Variants in TNS3 observed in about 807,000 individuals in gnomAD.
TNS3 encodes the protein tensin-3.
TNS3 carries 45 observed loss-of-function variants against 140.9 expected under a neutral mutation model. The ratio of observed to expected loss-of-function variants is 0.32; its 90% CI spans 0.25 to 0.41. TNS3 has a LOEUF of 0.41. TNS3 is among the 10% of genes least tolerant of loss of function. TNS3 has a pLI of 1.00. For missense variants in TNS3, 1,716 were observed against 1,906.7 expected (o/e 0.90, Z 1.86); for synonymous variants, 815 against 788.4 (o/e 1.03, Z -0.56).
chr7:47,408,148 G>C (rs1009336340), intron 13 of TNS3, among the ~76,000 whole-genome samples: 4 of 152,108 alleles, frequency 2.6e-5, no homozygotes, highest in African/African-American at 7.2e-5. Context: ...GGGTGGCCTG[G>C]AGGCCATTGG....
chr7:47,579,730 T>C (rs992026459), intron 1 of TNS3: 2 of 495,556 alleles, frequency 4.0e-6, no homozygotes, highest in Admixed American at 1.3e-4. Context: ...GTTCCCAGAC[T>C]TTAAGAATTT....
chr7:47,543,196 G>A (rs1799835960), intron 1 of TNS3, among the ~76,000 whole-genome samples: 1 of 152,206 alleles, frequency 6.6e-6, no homozygotes, highest in Admixed American at 6.5e-5. Context: ...CAGCCAGCTT[G>A]TGCTCCATCC....
chr7:47,578,535 C>T (rs901620629), intron 1 of TNS3, among the ~76,000 whole-genome samples: 43 of 149,090 alleles, frequency 2.9e-4, no homozygotes, highest in South Asian at 4.3e-4. Context: ...GGTAGAGCTG[C>T]GCCAGGTGCA....
intron 17 of TNS3, 23 bp downstream of exon 17, chr7:47,368,342 C>A: frequency 6.8e-7 from 1 of 1,462,796 alleles, no homozygotes; most frequent in Non-Finnish European, 9.0e-7. Context: ...CCGTGGAGCA[C>A]CTCCCATGGA....
At chr7:47,337,641 G>A (rs553991110) in intron 20 of TNS3, among the ~76,000 whole-genome samples, 2 of 152,130 alleles carry the variant, frequency 1.3e-5, no homozygotes, top group African/African-American at 4.8e-5. Context: ...CCATCCCACC[G>A]TGTTCTTCAT....
intron 15 of TNS3, among the ~76,000 whole-genome samples, chr7:47,399,375 T>C (rs1256156324): frequency 6.6e-6 from 1 of 151,524 alleles, no homozygotes; most frequent in African/African-American, 2.4e-5. Flanking sequence ...GCCAAAGCAA[T>C]CCTAAAAACA....
chr7:47,513,316 C>T (rs1234615833), intron 2 of TNS3, among the ~76,000 whole-genome samples: 1 of 152,048 alleles, frequency 6.6e-6, no homozygotes, highest in Non-Finnish European at 1.5e-5. Context: ...ACCATTGGCG[C>T]GTGCCACTGT....
intron 20 of TNS3, among the ~76,000 whole-genome samples, chr7:47,342,850 C>T (rs1789096875): frequency 6.6e-6 from 1 of 152,208 alleles, no homozygotes; most frequent in Admixed American, 6.5e-5. Flanking sequence ...CTCACAACTC[C>T]ACTTGACTTT....
intron 17 of TNS3, among the ~76,000 whole-genome samples, chr7:47,367,837 A>G (rs756440365): frequency 6.6e-6 from 1 of 152,188 alleles, no homozygotes; most frequent in Non-Finnish European, 1.5e-5. Flanking sequence ...TGACAGGTGT[A>G]TTTGTAATCA....
chr7:47,373,093 G>A (rs1180557360), intron 16 of TNS3, among the ~76,000 whole-genome samples: 2 of 152,116 alleles, frequency 1.3e-5, no homozygotes, highest in African/African-American at 2.4e-5. Context: ...AAGGAGAAGG[G>A]GCCTCTGGAA....
chr7:47,472,262 T>G (rs1181823843), intron 4 of TNS3, among the ~76,000 whole-genome samples: 1 of 152,206 alleles, frequency 6.6e-6, no homozygotes, highest in Admixed American at 6.5e-5. Context: ...CAGGTGGACA[T>G]GAATTTCGGG....
chr7:47,294,595 C>G (rs1785899006), intron 24 of TNS3, among the ~76,000 whole-genome samples: 1 of 152,184 alleles, frequency 6.6e-6, no homozygotes, highest in South Asian at 2.1e-4. Flanking sequence ...GCATGTCTGC[C>G]TAAACTTCTA....
chr7:47,438,070 A>G (rs1465881942), intron 6 of TNS3, among the ~76,000 whole-genome samples: 1 of 138,000 alleles, frequency 7.2e-6, no homozygotes, highest in Non-Finnish European at 1.6e-5. Flanking sequence ...TAATAATAAT[A>G]ATGTTCCAGC....
At chr7:47,457,107 AAAGGGGAGGG>A (rs1796277675) in intron 4 of TNS3, among the ~76,000 whole-genome samples, 1 of 81,808 alleles carries the variant, frequency 1.2e-5, no homozygotes, top group Non-Finnish European at 2.5e-5. Context: ...GTGTGCTGGT[AAAGGGGAGGG>A]GAGGGGAGGG....
In TNS3 at chr7:47,451,400, C is replaced by A. The variant is rs142682251; in HGVS notation, c.-75-9345G>T. 7.9e-5 allele frequency among the ~76,000 whole-genome samples: 12 copies of A among 152,136 alleles called. No individual in the cohort carries two copies. In the East Asian group the frequency reaches 1.2e-3, roughly 15 times the overall value. On this transcript the variant is annotated intron_variant, in intron 4 of 30. Coordinates refer to ENST00000311160, the MANE Select transcript of TNS3 (RefSeq NM_022748.12). ...TTCGAGACCAACCTGGCCAACATGGCGAAATCCTGTCTCTACTAAAAATAC... is the reference window on the plus strand; with the variant it reads ...TTCGAGACCAACCTGGCCAACATGGAGAAATCCTGTCTCTACTAAAAATAC...
At chr7:47,319,050 A>G (rs555692367) in intron 20 of TNS3, among the ~76,000 whole-genome samples, 5 of 152,360 alleles carry the variant, frequency 3.3e-5, no homozygotes, top group African/African-American at 1.2e-4. Context: ...AGGTCACTTT[A>G]GCCTGGTGGC....
chr7:47,524,227 TC>T (rs1799095826), intron 2 of TNS3, among the ~76,000 whole-genome samples: 1 of 152,154 alleles, frequency 6.6e-6, no homozygotes, highest in Non-Finnish European at 1.5e-5. Context: ...CGTACACCCC[TC>T]CCCGAGTCCC....
intron 8 of TNS3, among the ~76,000 whole-genome samples, chr7:47,433,635 A>C (rs1795029866): frequency 6.6e-6 from 1 of 152,236 alleles, no homozygotes; most frequent in Admixed American, 6.5e-5. Context: ...AGCAACTCCA[A>C]GAGACTTCTG....
At chr7:47,386,086 A>T (rs1442259337) in intron 16 of TNS3, among the ~76,000 whole-genome samples, 2 of 152,278 alleles carry the variant, frequency 1.3e-5, no homozygotes, top group Admixed American at 6.5e-5. Context: ...AATTAATTCA[A>T]CTTTCCATAG....
Sources: gnomAD v4.1 joint callset for allele counts (sites outside exome capture counted in the v4.1 genomes callset) on GRCh38, gnomAD v4.1.1 for gene constraint, MANE v1.5 for transcripts, NCBI Gene and HGNC (gene_info 2026-07-23, HGNC 2026-07-21) for gene names.